CSMD1: variants seen among roughly 807,000 people sequenced by gnomAD.
CSMD1 encodes CUB and Sushi multiple domains 1.
In CSMD1, 213 loss-of-function variants were observed where a neutral mutation model predicts 417.5. The ratio of observed to expected loss-of-function variants is 0.51; its 90% CI spans 0.46 to 0.57. The LOEUF (loss-of-function observed/expected upper bound fraction) is 0.57, where lower values mean the gene tolerates loss of function less well. CSMD1 is among the 20% of genes least tolerant of loss of function. The pLI, the probability that CSMD1 is intolerant of heterozygous loss-of-function variation, is 0.00. For missense variants in CSMD1, 6,923 were observed against 4,529.7 expected, an observed-to-expected ratio of 1.53 and a Z score of -15.17; for synonymous variants, 2,862 against 1,736.8, an observed-to-expected ratio of 1.65 and a Z score of -16.11.
intron 8 of CSMD1, among the ~76,000 whole-genome samples, chr8:3,612,667 TC>T: frequency 6.6e-6 from 1 of 152,038 alleles, no homozygotes; most frequent in South Asian, 2.1e-4. Context: ...TAGAAAACTT[TC>T]AAATAAATCA....
chr8:4,812,217 T>A (rs929485634), intron 1 of CSMD1, among the ~76,000 whole-genome samples: 1 of 152,176 alleles, frequency 6.6e-6, no homozygotes, highest in African/African-American at 2.4e-5. Context: ...CCTACGTCTC[T>A]AAGTGAGACA....
At chr8:3,631,313 G>C (rs2128216) in intron 7 of CSMD1, among the ~76,000 whole-genome samples, 1 of 151,988 alleles carries the variant, frequency 6.6e-6, no homozygotes, top group African/African-American at 2.4e-5. Context: ...TTTTCTGTCT[G>C]GTTTATTGTT....
chr8:3,840,074 C>A (rs951563552), intron 5 of CSMD1, among the ~76,000 whole-genome samples: 1 of 152,124 alleles, frequency 6.6e-6, no homozygotes, highest in Non-Finnish European at 1.5e-5. Flanking sequence ...TATAATAGCT[C>A]TGCCTATACT....
intron 2 of CSMD1, among the ~76,000 whole-genome samples, chr8:4,589,314 T>G (rs1350457344): frequency 6.6e-6 from 1 of 152,220 alleles, no homozygotes; most frequent in Non-Finnish European, 1.5e-5. Flanking sequence ...GATGCCTCAG[T>G]GATCTTTAGC....
At chr8:4,221,027 T>G (rs1398906123) in intron 3 of CSMD1, among the ~76,000 whole-genome samples, 2 of 152,116 alleles carry the variant, frequency 1.3e-5, no homozygotes, top group Non-Finnish European at 2.9e-5. Context: ...AGGAGGCCAG[T>G]GATTGTCCAG....
At chr8:4,812,788 G>C (rs558714180) in intron 1 of CSMD1, among the ~76,000 whole-genome samples, 3 of 152,140 alleles carry the variant, frequency 2.0e-5, no homozygotes, top group Non-Finnish European at 4.4e-5. Flanking sequence ...CATTTTTGTA[G>C]ATGCTCTTAT....
chr8:4,974,390 G>T (rs1358681848), intron 1 of CSMD1, among the ~76,000 whole-genome samples: 1 of 151,976 alleles, frequency 6.6e-6, no homozygotes, highest in African/African-American at 2.4e-5. Context: ...AGTTTCCCTT[G>T]ATTATCTCCA....
At chr8:4,051,579 C>T (rs895238736) in intron 3 of CSMD1, among the ~76,000 whole-genome samples, 6 of 152,200 alleles carry the variant, frequency 3.9e-5, no homozygotes, top group Non-Finnish European at 4.4e-5. Context: ...CCTCTGTCAA[C>T]GTCCTCAGAA....
At chr8:4,143,941 G>A (rs1328632514) in intron 3 of CSMD1, among the ~76,000 whole-genome samples, 2 of 151,300 alleles carry the variant, frequency 1.3e-5, no homozygotes, top group Non-Finnish European at 2.9e-5. Context: ...GCAGATGAAG[G>A]GATGGCCAGT....
intron 3 of CSMD1, among the ~76,000 whole-genome samples, chr8:4,337,600 G>A (rs189262923): frequency 1.8e-3 from 273 of 152,198 alleles, no homozygotes; most frequent in African/African-American, 6.3e-3. Flanking sequence ...AAAATTCTGT[G>A]GACAGTAAAT....
chr8:4,287,804 A>G (rs1052415088), intron 3 of CSMD1, among the ~76,000 whole-genome samples: 1 of 151,224 alleles, frequency 6.6e-6, no homozygotes, highest in Non-Finnish European at 1.5e-5. Context: ...CTCTCCTCCA[A>G]CCTCTCTGTG....
At chr8:3,830,107 A>G (rs929773174) in intron 5 of CSMD1, among the ~76,000 whole-genome samples, 2 of 152,172 alleles carry the variant, frequency 1.3e-5, no homozygotes, top group Non-Finnish European at 1.5e-5. Flanking sequence ...TCTTGACCCT[A>G]AAGTGAAGGA....
rs142221764 is a variant in CSMD1, at chr8:4,761,657, G to A, written c.86-124099C>T. Reference sequence around the variant, plus strand: ...AATCATTATAATTCAGAAGCATATAGACTACCTTTATTAAAATAATTAGGT... The same window carrying A: ...AATCATTATAATTCAGAAGCATATAAACTACCTTTATTAAAATAATTAGGT... On this transcript the variant is annotated intron_variant, in intron 1 of 69. Transcript: ENST00000635120. Among the ~76,000 whole-genome samples, 31 of 152,102 alleles carry A rather than the reference G, an allele frequency of 2.0e-4. No individual in the cohort carries two copies. The East Asian group carries it at 5.6e-3, about 28-fold the overall frequency.
Position 3,635,772 on chromosome 8 carries a change from T to G in CSMD1, c.1010-18975A>C, listed in dbSNP as rs1312362320. On this transcript the variant is annotated intron_variant, in intron 7 of 69. Coordinates refer to ENST00000635120, the MANE Select transcript of CSMD1 (RefSeq NM_033225.6). ...TGCTGGGATTACAGGTATGAACCTC[T>G]GCGCCCAGCTGCTTCCATCTCAAAA... 1.0e-4 allele frequency among the ~76,000 whole-genome samples: 13 copies of G among 127,100 alleles called. No homozygotes were observed. In the Admixed American group the frequency reaches 1.1e-3, roughly 11 times the overall value. 83.4% of individuals were successfully genotyped at this position (127,100 alleles called of 152,430 possible).
intron 2 of CSMD1, among the ~76,000 whole-genome samples, chr8:4,493,823 A>G (rs1801844445): frequency 6.6e-6 from 1 of 152,216 alleles, no homozygotes; most frequent in African/African-American, 2.4e-5. Flanking sequence ...AGAGGACATC[A>G]TTCACAGCAG....
At chr8:4,413,976 C>T (rs1042276682) in intron 3 of CSMD1, among the ~76,000 whole-genome samples, 1 of 152,144 alleles carries the variant, frequency 6.6e-6, no homozygotes, top group Non-Finnish European at 1.5e-5. Flanking sequence ...AAATCTACAA[C>T]AATGTTACAC....
At chr8:4,848,244 C>T (rs1801258138) in intron 1 of CSMD1, among the ~76,000 whole-genome samples, 1 of 152,048 alleles carries the variant, frequency 6.6e-6, no homozygotes, top group Non-Finnish European at 1.5e-5. Context: ...TGGGGTGTTT[C>T]CACTTTTTCC....
chr8:3,136,944 AT>A (rs571312498), intron 41 of CSMD1, among the ~76,000 whole-genome samples: 43 of 152,188 alleles, frequency 2.8e-4, no homozygotes, highest in Non-Finnish European at 4.1e-4. Context: ...TTAAAAACAT[AT>A]TTTTTTTAAA....
intron 1 of CSMD1, among the ~76,000 whole-genome samples, chr8:4,896,614 T>C (rs79926459): frequency 6.6e-6 from 1 of 152,104 alleles, no homozygotes; most frequent in African/African-American, 2.4e-5. Context: ...CCATTCTGAG[T>C]CCCAGTGGAA....
Sources: gnomAD v4.1 joint callset for allele counts (sites outside exome capture counted in the v4.1 genomes callset) on GRCh38, gnomAD v4.1.1 for gene constraint, MANE v1.5 for transcripts, NCBI Gene and HGNC (gene_info 2026-07-23, HGNC 2026-07-21) for gene names.